Variants in TRPM3 observed in about 807,000 individuals in gnomAD.
The protein encoded by TRPM3 is transient receptor potential cation channel subfamily M member 3.
In TRPM3, 77 loss-of-function variants were observed where a neutral mutation model predicts 181.2. The observed-to-expected ratio is 0.42, with a 90% CI of 0.35 to 0.51. The LOEUF (loss-of-function observed/expected upper bound fraction) is 0.51, where lower values mean the gene tolerates loss of function less well. TRPM3 is among the 20% of genes least tolerant of loss of function. The pLI is 0.01. For synonymous variants in TRPM3, 745 were observed against 796.4 expected (o/e 0.94, Z 1.09); for missense variants, 1,759 against 2,196.7 (o/e 0.80, Z 3.98).
intron 1 of TRPM3, among the ~76,000 whole-genome samples, chr9:71,197,971 C>A (rs921050853): frequency 6.6e-5 from 10 of 151,250 alleles, no homozygotes; most frequent in Non-Finnish European, 1.3e-4. Context: ...AATGGTAATG[C>A]CTAGGTTTTC....
intron 1 of TRPM3, among the ~76,000 whole-genome samples, chr9:71,095,181 C>A (rs537626292): frequency 6.6e-6 from 1 of 152,280 alleles, no homozygotes; most frequent in Non-Finnish European, 1.5e-5. Flanking sequence ...TTCTGAGTGT[C>A]TGATTACATT....
intron 1 of TRPM3, among the ~76,000 whole-genome samples, chr9:71,238,250 G>A (rs1261056587): frequency 1.3e-5 from 2 of 151,900 alleles, no homozygotes; most frequent in African/African-American, 4.8e-5. Context: ...GCCTGTCAGA[G>A]GTGATGCTTG....
intron 1 of TRPM3, among the ~76,000 whole-genome samples, chr9:71,413,224 T>C (rs1282645362): frequency 6.6e-6 from 1 of 152,128 alleles, no homozygotes; most frequent in Non-Finnish European, 1.5e-5. Flanking sequence ...TGTGTACATA[T>C]ACCCTAGAAC....
intron 1 of TRPM3, among the ~76,000 whole-genome samples, chr9:70,956,114 GT>G (rs1212416124): frequency 6.6e-5 from 10 of 152,058 alleles, no homozygotes; most frequent in African/African-American, 2.4e-4. Flanking sequence ...GGACCTAAAT[GT>G]TTGTTTACTC....
At chr9:70,895,482 G>A (rs1281509050) in intron 1 of TRPM3, among the ~76,000 whole-genome samples, 1 of 152,058 alleles carries the variant, frequency 6.6e-6, no homozygotes, top group Non-Finnish European at 1.5e-5. Flanking sequence ...GATTAGAATT[G>A]TCTAATACAA....
At chr9:70,892,858 A>T (rs2132875699) in intron 1 of TRPM3, among the ~76,000 whole-genome samples, 1 of 152,296 alleles carries the variant, frequency 6.6e-6, no homozygotes, top group Non-Finnish European at 1.5e-5. Flanking sequence ...ACAACAAAAT[A>T]ATATTACAGG....
intron 9 of TRPM3, among the ~76,000 whole-genome samples, chr9:70,659,992 CT>C (rs2060893796): frequency 6.6e-6 from 1 of 152,156 alleles, no homozygotes; most frequent in South Asian, 2.1e-4. Flanking sequence ...CCTTCTCCCC[CT>C]ATTTTCTCTT....
At chr9:71,331,204 T>C (rs1162797315) in intron 1 of TRPM3, among the ~76,000 whole-genome samples, 1 of 151,848 alleles carries the variant, frequency 6.6e-6, no homozygotes, top group Non-Finnish European at 1.5e-5. Context: ...TGGATAAATA[T>C]ATACAACTTC....
In TRPM3 at chr9:70,993,067, A is replaced by T. The variant is rs986305697; in HGVS notation, c.177+128111T>A. 2.3e-4 allele frequency among the ~76,000 whole-genome samples: 35 copies of T among 152,188 alleles called. 1 individual carries two copies. The highest frequency in any genetic ancestry group is 2.1e-4 in the Non-Finnish European group (14 of 68,030). On this transcript the variant is annotated intron_variant, in intron 1 of 25. Transcript: ENST00000677713. ...CCAATGTACCTGGTGTGCAGTAAGT[A>T]AGGGGTTGCGGCAGGACCTGAGGGC...
At position 70,905,909 on chromosome 9, in the gene TRPM3, T is replaced by C. The variant is rs137985389; in HGVS notation, c.178-41398A>G. On this transcript the variant is annotated intron_variant, in intron 1 of 25. Transcript: ENST00000677713. ...TACGTCAAAATGCCTGGCTATTTTT[T>C]ACTTTTTTTGTAGTGACAGGGTCTC... Among the ~76,000 whole-genome samples the C allele has an allele frequency of 3.9e-3, 592 of 152,250 alleles. 1 individual carries two copies. The highest frequency in any genetic ancestry group is 4.6e-3 in the Non-Finnish European group (315 of 68,008).
At chr9:70,538,775 C>T (rs1215536217) in intron 25 of TRPM3, among the ~76,000 whole-genome samples, 1 of 152,164 alleles carries the variant, frequency 6.6e-6, no homozygotes, top group African/African-American at 2.4e-5. Flanking sequence ...ATGTGGCCAA[C>T]CTAATACCTG....
At chr9:70,664,089 C>T (rs928398978) in intron 9 of TRPM3, among the ~76,000 whole-genome samples, 10 of 152,128 alleles carry the variant, frequency 6.6e-5, no homozygotes, top group Admixed American at 1.3e-4. Context: ...AATAAATTTA[C>T]CAAATTAATA....
chr9:70,645,528 C>T (rs2058696962), intron 9 of TRPM3, among the ~76,000 whole-genome samples: 1 of 152,012 alleles, frequency 6.6e-6, no homozygotes, highest in Non-Finnish European at 1.5e-5. Flanking sequence ...GAAACTGGAC[C>T]CCTTTGTTAC....
chr9:70,740,210 C>T (rs1466119795), intron 8 of TRPM3, among the ~76,000 whole-genome samples: 2 of 152,130 alleles, frequency 1.3e-5, no homozygotes, highest in Non-Finnish European at 2.9e-5. Context: ...AAGTGCTCAA[C>T]CCTTTTCACA....
At chr9:71,261,389 T>A (rs1038526148) in intron 1 of TRPM3, among the ~76,000 whole-genome samples, 18 of 152,230 alleles carry the variant, frequency 1.2e-4, no homozygotes, top group Non-Finnish European at 7.3e-5. Context: ...CTGGTTATTC[T>A]AGTTCGCAAT....
intron 1 of TRPM3, among the ~76,000 whole-genome samples, chr9:71,343,401 T>G (rs1405678322): frequency 6.6e-6 from 1 of 151,910 alleles, no homozygotes; most frequent in African/African-American, 2.4e-5. Context: ...TTCCTGAACT[T>G]TTATTAGTAG....
At chr9:70,892,570 A>T (rs2096223066) in intron 1 of TRPM3, among the ~76,000 whole-genome samples, 1 of 150,338 alleles carries the variant, frequency 6.7e-6, no homozygotes, top group African/African-American at 2.5e-5. Flanking sequence ...ATACATTGCT[A>T]CTTCTTTAGG....
At chr9:71,062,462 G>A (rs1409573004) in intron 1 of TRPM3, among the ~76,000 whole-genome samples, 1 of 152,000 alleles carries the variant, frequency 6.6e-6, no homozygotes, top group Non-Finnish European at 1.5e-5. Flanking sequence ...TACAAACACA[G>A]CATAAAACCA....
At chr9:71,316,793 A>G (rs1462522852) in intron 1 of TRPM3, among the ~76,000 whole-genome samples, 1 of 152,160 alleles carries the variant, frequency 6.6e-6, no homozygotes, top group African/African-American at 2.4e-5. Flanking sequence ...TGTTTAAACC[A>G]TTAAGATTGT....
Sources: gnomAD v4.1 joint callset for allele counts (sites outside exome capture counted in the v4.1 genomes callset) on GRCh38, gnomAD v4.1.1 for gene constraint, MANE v1.5 for transcripts, NCBI Gene and HGNC (gene_info 2026-07-23, HGNC 2026-07-21) for gene names.